Variants in RSPH1 observed in about 807,000 individuals in gnomAD.
The protein encoded by RSPH1 is radial spoke head component 1.
In RSPH1, 32 loss-of-function variants were observed where a neutral mutation model predicts 44.2. That is an observed-to-expected ratio of 0.72 (90% CI 0.55 to 0.97). The LOEUF is 0.97. RSPH1 is among the 50% of genes least tolerant of loss of function. The pLI, the probability that RSPH1 is intolerant of heterozygous loss-of-function variation, is 0.00. For missense variants in RSPH1, 391 were observed against 398.7 expected, an observed-to-expected ratio of 0.98 and a Z score of 0.16; for synonymous variants, 134 against 147.3, an observed-to-expected ratio of 0.91 and a Z score of 0.65.
At chr21:42,480,680 C>G (rs995313253) in intron 6 of RSPH1, among the ~76,000 whole-genome samples, 6 of 144,050 alleles carry the variant, frequency 4.2e-5, no homozygotes, top group Non-Finnish European at 7.5e-5. Context: ...GTCTGGAGAG[C>G]ATTGAAGAGC....
intron 1 of RSPH1, among the ~76,000 whole-genome samples, chr21:42,494,891 G>C (rs532807620): frequency 6.6e-6 from 1 of 151,988 alleles, no homozygotes; most frequent in Non-Finnish European, 1.5e-5. Flanking sequence ...GTAGAGACAG[G>C]GTTTCACCGT....
At chr21:42,494,145 TG>T (rs60355240) in intron 1 of RSPH1, among the ~76,000 whole-genome samples, 1 of 152,198 alleles carries the variant, frequency 6.6e-6, no homozygotes, top group Non-Finnish European at 1.5e-5. Flanking sequence ...ACCTAATACA[TG>T]GGTATAGAGT....
chr21:42,486,028 G>A, intron 4 of RSPH1: 2 of 613,658 alleles, frequency 3.3e-6, no homozygotes, highest in South Asian at 2.0e-5. Context: ...ACAGAGGCAA[G>A]CCTCCTGTGT....
chr21:42,494,050 T>G (rs999597511), intron 1 of RSPH1, among the ~76,000 whole-genome samples: 1 of 152,258 alleles, frequency 6.6e-6, no homozygotes, highest in Admixed American at 6.5e-5. Context: ...TGCTCAATTA[T>G]GTGTCTATCT....
chr21:42,493,684 C>T (rs2054258453), intron 1 of RSPH1, among the ~76,000 whole-genome samples: 1 of 152,164 alleles, frequency 6.6e-6, no homozygotes, highest in African/African-American at 2.4e-5. Flanking sequence ...ATTTTTAAGA[C>T]CCCTAGCAAG....
Position 42,495,467 on chromosome 21 carries a change from G to A in RSPH1, c.54+666C>T, listed in dbSNP as rs542596289. Among the ~76,000 whole-genome samples, 18 of 152,322 alleles carry A rather than the reference G, an allele frequency of 1.2e-4. 1 individual carries two copies. In the South Asian group the frequency reaches 3.7e-3, roughly 32 times the overall value. ...TGGAGAGGTCACTCTCTGGAGTAGG[G>A]AGGAACTACTCTCTGGGTGATAGAA... On this transcript the variant is annotated intron_variant, in intron 1 of 8. Transcript: ENST00000291536.
chr21:42,488,452 G>C (rs756869337), intron 3 of RSPH1, among the ~76,000 whole-genome samples: 14 of 152,168 alleles, frequency 9.2e-5, no homozygotes, highest in Non-Finnish European at 1.8e-4. Flanking sequence ...GGGGCATAGA[G>C]ACCTCAGCTG....
chr21:42,479,044 A>G (rs55886155), intron 6 of RSPH1, among the ~76,000 whole-genome samples: 121,745 of 152,186 alleles, frequency 0.8, 49,157 homozygotes, highest in African/African-American at 0.83. Flanking sequence ...GAAATGCATC[A>G]TTCTCACAGC....
chr21:42,487,107 C>T (rs1278512572), intron 3 of RSPH1, among the ~76,000 whole-genome samples: 4 of 152,188 alleles, frequency 2.6e-5, no homozygotes. Flanking sequence ...CCCTCACCTC[C>T]TCACCTCCAT....
rs1408177230 is a variant in RSPH1 at position 42,487,268 on chromosome 21, G to A, written c.275-807C>T. The stretch of plus-strand genomic sequence containing the variant: ...ATCCCTGCACTAGAAAACTCAAAAC[G>A]TCCTCAAATCTTACAGCTCACTTAG... On this transcript the variant is annotated intron_variant, in intron 3 of 8. Coordinates refer to ENST00000291536, the MANE Select transcript of RSPH1 (RefSeq NM_080860.4). Among the ~76,000 whole-genome samples, 4 of 152,238 alleles carry A rather than the reference G, an allele frequency of 2.6e-5. No homozygotes were observed. In the East Asian group the frequency reaches 5.8e-4, roughly 22 times the overall value.
chr21:42,480,640 C>CA (rs780506820), intron 6 of RSPH1, among the ~76,000 whole-genome samples: 17,696 of 38,686 alleles, frequency 0.46, 5,879 homozygotes, highest in Non-Finnish European at 0.59. Context: ...AACTCCATCT[C>CA]AAAAAAAAAA....
In RSPH1 at chr21:42,472,765, G is replaced by T. The variant is rs1043807; in HGVS notation, c.*53C>A. 3 of 1,406,160 alleles carry T rather than the reference G, an allele frequency of 2.1e-6. No individual in the cohort carries two copies. Among genetic ancestry groups the T allele is most frequent in the East Asian group, 4.6e-5 (2 of 43,808 alleles). The allele number at this position is 1,406,160 out of a possible 1,614,324, so 87.1% of individuals were successfully genotyped here. On this transcript the variant is annotated 3_prime_UTR_variant, in exon 9 of 9. Transcript: ENST00000291536. ...ACTAGATACACACAGCACTGCACCCGGCTAACGACAGAAGCATTCTTATGA... is the reference window on the plus strand; with the variant it reads ...ACTAGATACACACAGCACTGCACCCTGCTAACGACAGAAGCATTCTTATGA...
At chr21:42,492,276 T>C (rs937826325) in intron 3 of RSPH1, among the ~76,000 whole-genome samples, 9 of 152,228 alleles carry the variant, frequency 5.9e-5, no homozygotes, top group Admixed American at 5.9e-4. Context: ...TAAGGACTTA[T>C]GGCACAGGTA....
chr21:42,483,571 G>A (rs1456898943), intron 5 of RSPH1, among the ~76,000 whole-genome samples: 4 of 151,954 alleles, frequency 2.6e-5, no homozygotes, highest in African/African-American at 7.3e-5. Context: ...CACATTGATT[G>A]ATAAAACACT....
rs201439116 is a variant in RSPH1 at position 42,482,691 on chromosome 21, C to T, written c.519G>A (p.Lys173=). The change falls in exon 6 of 9, where the codon AAG becomes AAA. Residue 173 remains lysine (K), a synonymous_variant. Transcript: ENST00000291536. ...FLNKNPVGPG[K]YVFDVGCEQH... is the part of the protein sequence containing the mutation. ...GTTCACACCCAACATCAAATACATA[C>T]TTTCCAGGGCCAACAGGCTACGAGC... The T allele has an allele frequency of 1.2e-6, 2 of 1,613,302 alleles. No homozygotes were observed. The highest frequency in any genetic ancestry group is 2.7e-5 in the African/African-American group (2 of 75,042).
chr21:42,490,704 T>C (rs550189008), intron 3 of RSPH1, among the ~76,000 whole-genome samples: 1 of 152,316 alleles, frequency 6.6e-6, no homozygotes, highest in East Asian at 1.9e-4. Context: ...CCCTTGACAT[T>C]TCCTGACTGA....
intron 7 of RSPH1, among the ~76,000 whole-genome samples, chr21:42,477,059 GC>G (rs1479224454): frequency 8.9e-5 from 11 of 123,886 alleles, no homozygotes; most frequent in African/African-American, 2.9e-4. Flanking sequence ...CACACCCTCT[GC>G]CCCCTCCACC....
chr21:42,490,087 G>C (rs1405584591), intron 3 of RSPH1, among the ~76,000 whole-genome samples: 2 of 151,988 alleles, frequency 1.3e-5, no homozygotes, highest in African/African-American at 4.8e-5. Flanking sequence ...AGTACATGGG[G>C]TCTAGGCCTC....
intron 1 of RSPH1, among the ~76,000 whole-genome samples, chr21:42,494,312 C>T (rs2054265235): frequency 6.6e-6 from 1 of 152,130 alleles, no homozygotes; most frequent in Non-Finnish European, 1.5e-5. Flanking sequence ...TATTATAACA[C>T]AAGTACTGAC....
Sources: gnomAD v4.1 joint callset for allele counts (sites outside exome capture counted in the v4.1 genomes callset) on GRCh38, gnomAD v4.1.1 for gene constraint, MANE v1.5 for transcripts, NCBI Gene and HGNC (gene_info 2026-07-23, HGNC 2026-07-21) for gene names.